The following PCDH15 variants were observed in gnomAD, a reference collection of about 807,000 sequenced individuals.
PCDH15 encodes the protein protocadherin-15.
A neutral mutation model predicts 178.5 loss-of-function variants in PCDH15; 129 were observed. That is an observed-to-expected ratio of 0.72 (90% CI 0.63 to 0.84). The LOEUF is 0.84. Among genes scored for constraint, PCDH15 ranks in the 40% least tolerant of loss-of-function variants. PCDH15 has a pLI of 0.00. For synonymous variants in PCDH15, 800 were observed against 732.0 expected (o/e 1.09, Z -1.50); for missense variants, 2,230 against 2,099.9 (o/e 1.06, Z -1.21).
intron 2 of PCDH15, among the ~76,000 whole-genome samples, chr10:55,076,552 C>G (rs574001081): frequency 2.0e-5 from 3 of 151,310 alleles, no homozygotes; most frequent in Non-Finnish European, 4.4e-5. Flanking sequence ...TCAAATGGTT[C>G]TTGTGCCTCA....
Position 54,641,057 on chromosome 10 carries a change from T to C in PCDH15, c.91+23115A>G, listed in dbSNP as rs1446650754. 8.9e-5 allele frequency: 24 copies of C among 268,440 alleles called. No individual in the cohort carries two copies. In the Admixed American group the frequency reaches 1.2e-3, roughly 13 times the overall value. The allele number at this position is 268,440 out of a possible 1,614,324, so 16.6% of individuals were successfully genotyped here. ...AGGCGGAGGTTGTGGTAAGCCGAGA[T>C]GGTGCCACTGCACTCCAGCCTGGGC... On this transcript the variant is annotated intron_variant, in intron 2 of 37. Transcript: ENST00000644397.
At chr10:55,627,704 CA>C (rs1837561055) in exon 2 of PCDH15, 2 of 152,218 alleles carry the variant, frequency 1.3e-5, no homozygotes, top group South Asian at 4.2e-4. Flanking sequence ...CCCGAGCAGC[CA>C]CGGAGCTTAG....
chr10:54,497,213 C>A (rs1404109086), intron 3 of PCDH15, among the ~76,000 whole-genome samples: 1 of 151,172 alleles, frequency 6.6e-6, no homozygotes, highest in Admixed American at 6.6e-5. Context: ...AGAAAGAAAG[C>A]CAATTGACTA....
chr10:54,401,366 A>G (rs1176702020), intron 3 of PCDH15, among the ~76,000 whole-genome samples: 1 of 151,940 alleles, frequency 6.6e-6, no homozygotes, highest in Admixed American at 6.6e-5. Context: ...AGATTCAAAA[A>G]AAAAATTGAC....
At chr10:53,911,083 A>G (rs1301285548) in intron 25 of PCDH15, among the ~76,000 whole-genome samples, 1 of 152,254 alleles carries the variant, frequency 6.6e-6, no homozygotes, top group East Asian at 1.9e-4. Context: ...AAGCTGAGAA[A>G]CACTCTTCAG....
intron 2 of PCDH15, among the ~76,000 whole-genome samples, chr10:55,033,221 T>C (rs1840654348): frequency 6.6e-6 from 1 of 152,072 alleles, no homozygotes; most frequent in Non-Finnish European, 1.5e-5. Context: ...GGGGGACAGC[T>C]ACATCACAGA....
At chr10:54,566,061 G>A (rs1412310533) in intron 2 of PCDH15, among the ~76,000 whole-genome samples, 1 of 152,138 alleles carries the variant, frequency 6.6e-6, no homozygotes, top group East Asian at 1.9e-4. Flanking sequence ...TCCAGCCTGG[G>A]CAACAAGAGT....
intron 4 of PCDH15, among the ~76,000 whole-genome samples, chr10:54,376,042 C>T (rs1948378195): frequency 6.6e-6 from 1 of 151,322 alleles, no homozygotes; most frequent in Non-Finnish European, 1.5e-5. Context: ...TTACAGGGTA[C>T]CTGCCACAAT....
At chr10:55,321,074 TG>T (rs1843885783), upstream of PCDH15, among the ~76,000 whole-genome samples, 2 of 146,816 alleles carry the variant, frequency 1.4e-5, no homozygotes, top group Admixed American at 6.9e-5. Flanking sequence ...AAAGATGAAA[TG>T]GCCATTGAAA....
intron 7 of PCDH15, among the ~76,000 whole-genome samples, chr10:54,318,071 G>A (rs916940092): frequency 2.6e-5 from 4 of 152,026 alleles, no homozygotes; most frequent in East Asian, 1.9e-4. Context: ...CCTTCTCTGC[G>A]CCTCTGAGGT....
Position 53,828,915 on chromosome 10 carries a change from C to T in PCDH15, c.4203-342G>A, listed in dbSNP as rs12248555. ...ATGACCTGACCTTTATAATTGGCTT[C>T]TTGGTTTACCCTGCTTGAAGAATAT... On this transcript the variant is annotated intron_variant, in intron 30 of 37. Transcript: ENST00000644397. Among the ~76,000 whole-genome samples, 1,155 of 152,194 alleles carry T rather than the reference C, an allele frequency of 7.6e-3. 13 individuals carry two copies. The highest frequency in any genetic ancestry group is 0.024 in the African/African-American group (1,003 of 41,528).
intron 28 of PCDH15, among the ~76,000 whole-genome samples, chr10:53,852,597 G>T (rs2078458943): frequency 6.6e-6 from 1 of 152,078 alleles, no homozygotes; most frequent in African/African-American, 2.4e-5. Flanking sequence ...AGGTACTGCG[G>T]TCTTAGCTAT....
intron 1 of PCDH15, among the ~76,000 whole-genome samples, chr10:55,197,761 T>C (rs1840134118): frequency 6.6e-6 from 1 of 152,144 alleles, no homozygotes; most frequent in Non-Finnish European, 1.5e-5. Context: ...TGATATATTT[T>C]GCTTTTAAGT....
At chr10:55,429,858 C>T (rs1171777274) in intron 2 of PCDH15, among the ~76,000 whole-genome samples, 1 of 152,068 alleles carries the variant, frequency 6.6e-6, no homozygotes, top group East Asian at 1.9e-4. Context: ...ATTTACACAA[C>T]AGTGTAAGTT....
rs146264593 is a variant in PCDH15, at chr10:55,352,358, T to C, written c.-155-185707A>G. Among the ~76,000 whole-genome samples, 110 of 152,256 alleles carry C rather than the reference T, an allele frequency of 7.2e-4. 2 individuals are homozygous for C. In the East Asian group the frequency reaches 0.02, roughly 28 times the overall value. ...CGGGTTGTAAAGCAGCAGAGACAAC[T>C]TCAAACATGAACGATGCATTTGGCT... On this transcript the variant is annotated intron_variant, in intron 2 of 5. Coordinates refer to the PCDH15 transcript ENST00000613346.
At chr10:55,240,265 G>C (rs761587314) in intron 1 of PCDH15, among the ~76,000 whole-genome samples, 14 of 152,030 alleles carry the variant, frequency 9.2e-5, no homozygotes, top group South Asian at 4.1e-4. Context: ...TTACAAATTT[G>C]TATTTAATAT....
At position 54,378,790 on chromosome 10, in the gene PCDH15, C is replaced by T. The variant is rs1948812283; in HGVS notation, c.310G>A (p.Asp104Asn). The T allele has an allele frequency of 6.2e-7, 1 of 1,613,688 alleles. No individual in the cohort carries two copies. Among genetic ancestry groups the T allele is most frequent in the African/African-American group, 1.3e-5 (1 of 74,976 alleles). The change falls in exon 4 of 38, where the codon GAT (aspartate) becomes AAT (asparagine). Residue 104 changes from aspartate (D) to asparagine (N), a missense_variant. Coordinates refer to ENST00000644397, the MANE Select transcript of PCDH15 (RefSeq NM_001384140.1). ...GAAAAAAAATCACTAACATCTCTATCCAGAACTCTTCCGGTGCTGTTCAGG... is the reference window on the plus strand; with the variant it reads ...GAAAAAAAATCACTAACATCTCTATTCAGAACTCTTCCGGTGCTGTTCAGG... ...LFLNSTGRVL[D>N]RDPPMNIHSI...
chr10:53,871,735 G>GT (rs1219472135), intron 26 of PCDH15, among the ~76,000 whole-genome samples: 1 of 150,342 alleles, frequency 6.7e-6, no homozygotes, highest in African/African-American at 2.5e-5. Flanking sequence ...GTTTTGTTTT[G>GT]TTTTGTTTTG....
At chr10:55,432,011 T>C (rs536745654) in intron 2 of PCDH15, among the ~76,000 whole-genome samples, 1 of 151,814 alleles carries the variant, frequency 6.6e-6, no homozygotes, top group Admixed American at 6.6e-5. Flanking sequence ...ATATGTTATG[T>C]CAGATTGTGA....
Sources: gnomAD v4.1 joint callset for allele counts (sites outside exome capture counted in the v4.1 genomes callset) on GRCh38, gnomAD v4.1.1 for gene constraint, MANE v1.5 for transcripts, NCBI Gene and HGNC (gene_info 2026-07-23, HGNC 2026-07-21) for gene names.